CACNA1A: variants seen among roughly 807,000 people sequenced by gnomAD.
CACNA1A encodes the protein voltage-dependent P/Q-type calcium channel subunit alpha-1A.
In CACNA1A, 57 loss-of-function variants were observed where a neutral mutation model predicts 262.4. That is an observed-to-expected ratio of 0.22 (90% CI 0.18 to 0.27). The LOEUF (loss-of-function observed/expected upper bound fraction) is 0.27, where lower values mean the gene tolerates loss of function less well. Among genes scored for constraint, CACNA1A ranks in the 10% least tolerant of loss-of-function variants. CACNA1A has a pLI of 1.00. For synonymous variants in CACNA1A, 1,431 were observed against 1,419.3 expected (o/e 1.01, Z -0.18); for missense variants, 2,526 against 3,562.8 (o/e 0.71, Z 7.41).
At chr19:13,293,244 A>C (rs1204486551) in intron 19 of CACNA1A, among the ~76,000 whole-genome samples, 2 of 151,894 alleles carry the variant, frequency 1.3e-5, no homozygotes, top group Non-Finnish European at 2.9e-5. Context: ...ATGGCCAGGC[A>C]TGGTGTCTCA....
rs2057270063 is a variant in CACNA1A, at chr19:13,280,754, G to A, written c.3822+2513C>T. The stretch of plus-strand genomic sequence containing the variant: ...TCAGGAGTTTGAGACCAGTCTGGCT[G>A]ATAGTGTGAAACCCCGTCTCTACTA... On this transcript the variant is annotated intron_variant, in intron 22 of 46. Coordinates refer to ENST00000360228, the MANE Select transcript of CACNA1A (RefSeq NM_001127222.2). 2.0e-5 allele frequency among the ~76,000 whole-genome samples: 3 copies of A among 151,886 alleles called. No homozygotes were observed. The South Asian group carries it at 6.2e-4, about 32-fold the overall frequency.
At chr19:13,350,861 G>T (rs2058893929) in intron 6 of CACNA1A, among the ~76,000 whole-genome samples, 1 of 152,124 alleles carries the variant, frequency 6.6e-6, no homozygotes, top group Non-Finnish European at 1.5e-5. Context: ...AATTAGCTGG[G>T]CATGATGGTA....
At chr19:13,432,408 C>CCAT (rs1220987368) in intron 3 of CACNA1A, among the ~76,000 whole-genome samples, 1 of 114,326 alleles carries the variant, frequency 8.7e-6, no homozygotes, top group East Asian at 2.3e-4. Context: ...GAGCGAGACT[C>CCAT]CATCTCAAAA....
In CACNA1A at chr19:13,207,983, C is replaced by T; in HGVS notation, c.6851G>A (p.Arg2284His). Residue 2284 changes from arginine (R) to histidine (H), a missense_variant, in exon 47 of 47, where the codon CGC becomes CAC. By Grantham distance (29) the Arg-to-His change is conservative. Around this residue, in one of 17 missense-constraint regions of CACNA1A, gnomAD observed 929 missense variants for 868.1 expected, o/e 1.07. Coordinates refer to ENST00000360228, the MANE Select transcript of CACNA1A (RefSeq NM_001127222.2). This position sits in a 1 kb window ranked among gnomAD's most constrained non-coding sequence, Gnocchi z 5.7. ...GGTGGAGGGGGTCTGGGGGAGCTGG[C>T]GGCGGCCCCGCCGCGGAGTGCTGGT... is the stretch of plus-strand genomic sequence containing the variant. ...SGTSTPRRGR[R>H]QLPQTPSTPR... 2 of 1,328,140 alleles carry T rather than the reference C, an allele frequency of 1.5e-6. No homozygotes were observed. Among genetic ancestry groups the T allele is most frequent in the Non-Finnish European group, 1.9e-6 (2 of 1,043,546 alleles). 82.3% of individuals were successfully genotyped at this position (1,328,140 alleles called of 1,614,324 possible).
rs185912234 is a variant in CACNA1A, at chr19:13,290,151, G to A, written c.3090-3185C>T. Among the ~76,000 whole-genome samples, 74 of 151,146 alleles carry A rather than the reference G, an allele frequency of 4.9e-4. 1 individual carries two copies. In the East Asian group the frequency reaches 0.013, roughly 27 times the overall value. On this transcript the variant is annotated intron_variant, in intron 19 of 46. Coordinates refer to ENST00000360228, the MANE Select transcript of CACNA1A (RefSeq NM_001127222.2). Reference sequence around the variant, plus strand: ...AGACAGGATTTTGCCATGTTGGCCAGGCTAAAACTCCTGGCTTCAAGAGAT... The same window carrying A: ...AGACAGGATTTTGCCATGTTGGCCAAGCTAAAACTCCTGGCTTCAAGAGAT...
chr19:13,355,822 G>A (rs1036129860), intron 6 of CACNA1A, among the ~76,000 whole-genome samples: 1 of 152,150 alleles, frequency 6.6e-6, no homozygotes, highest in Non-Finnish European at 1.5e-5. Context: ...GGGCAGAGGT[G>A]GGGGATGCTG....
intron 15 of CACNA1A, among the ~76,000 whole-genome samples, chr19:13,306,045 G>A (rs945939794): frequency 1.4e-5 from 2 of 141,062 alleles, no homozygotes; most frequent in African/African-American, 5.4e-5. Flanking sequence ...GGGCAACAGA[G>A]CGAGACTCCA....
intron 6 of CACNA1A, among the ~76,000 whole-genome samples, chr19:13,359,004 G>A (rs2145242233): frequency 6.6e-6 from 1 of 152,318 alleles, no homozygotes; most frequent in South Asian, 2.1e-4. Flanking sequence ...CCACATTTGT[G>A]TTAACAGCCA....
chr19:13,492,423 C>T (rs989063159), intron 1 of CACNA1A, among the ~76,000 whole-genome samples: 2 of 152,274 alleles, frequency 1.3e-5, no homozygotes, highest in South Asian at 4.1e-4. Context: ...GATTGGGCCA[C>T]GTCGTCAGGG....
At chr19:13,244,909 C>CA in intron 31 of CACNA1A, 1 of 501,628 alleles carries the variant, frequency 2.0e-6, no homozygotes, top group Non-Finnish European at 3.6e-6. Flanking sequence ...TACTCATCTG[C>CA]ATTATTAATT....
intron 3 of CACNA1A, among the ~76,000 whole-genome samples, chr19:13,424,484 G>A (rs1306247296): frequency 6.6e-6 from 1 of 151,990 alleles, no homozygotes; most frequent in African/African-American, 2.4e-5. Flanking sequence ...TTATGTTTTA[G>A]AGGCAGGGTC....
At chr19:13,426,344 G>C (rs574712991) in intron 3 of CACNA1A, among the ~76,000 whole-genome samples, 2 of 152,178 alleles carry the variant, frequency 1.3e-5, no homozygotes, top group East Asian at 3.9e-4. Context: ...TCTCAAGTGG[G>C]GGCGTTTCTA....
chr19:13,255,908 ATTCC>A (rs1316353222), intron 28 of CACNA1A, among the ~76,000 whole-genome samples: 161 of 83,956 alleles, frequency 1.9e-3, no homozygotes, highest in African/African-American at 7.7e-3. Flanking sequence ...TTTCTTCTTC[ATTCC>A]TTCTTCCCTA....
intron 24 of CACNA1A, among the ~76,000 whole-genome samples, chr19:13,269,155 C>A (rs1190616182): frequency 6.6e-6 from 1 of 151,576 alleles, no homozygotes; most frequent in Non-Finnish European, 1.5e-5. Context: ...AGACACCACA[C>A]CCAGCTTCTT....
At chr19:13,498,932 A>G (rs1224557957) in intron 1 of CACNA1A, among the ~76,000 whole-genome samples, 1 of 152,126 alleles carries the variant, frequency 6.6e-6, no homozygotes, top group African/African-American at 2.4e-5. Context: ...CTACTCAGAT[A>G]AGAACTGAGG....
At chr19:13,250,507 C>T (rs546019968) in intron 30 of CACNA1A, among the ~76,000 whole-genome samples, 2 of 152,178 alleles carry the variant, frequency 1.3e-5, no homozygotes, top group South Asian at 2.1e-4. Flanking sequence ...AATGATTCTC[C>T]TGCCTCAGCC....
chr19:13,433,460 C>CAAAAA lies in CACNA1A; in HGVS notation c.539+19411_539+19415dup, dbSNP rs533297364. Among the ~76,000 whole-genome samples the CAAAAA allele has an allele frequency of 5.4e-3, 413 of 76,176 alleles. 24 individuals are homozygous for CAAAAA. Among genetic ancestry groups the CAAAAA allele is most frequent in the African/African-American group, 0.017 (302 of 17,616 alleles). The allele number at this position is 76,176 out of a possible 152,430, so 50.0% of individuals were successfully genotyped here. A position where few individuals can be genotyped will look rare whatever the true frequency, so the allele number is the denominator to read the frequency against. ...TCGGCAACAAAGCAAGACGCTGTCT[C>CAAAAA]AAAAAAAAAAAAAAAAAAAAAAAGT... On this transcript the variant is annotated intron_variant, in intron 3 of 46. Coordinates refer to ENST00000360228, the MANE Select transcript of CACNA1A (RefSeq NM_001127222.2).
At position 13,207,531 on chromosome 19, in the gene CACNA1A, C is replaced by T. The variant is rs1295776483; in HGVS notation, c.7303G>A (p.Asp2435Asn). ...GCGTGTCGTACGGGGGGTGGCGCGT[C>T]GTAGGCCCCGGCCATGGCCTCCTCG... The part of the protein sequence containing the change: ...GGEEAMAGAY[D>N]APPPVRHASS... The change falls in exon 47 of 47, where the codon GAC becomes AAC. Residue 2435 changes from aspartate to asparagine, a missense_variant. This residue lies in a region of CACNA1A where 929 missense variants were observed against 868.1 expected (regional missense o/e 1.07). Transcript: ENST00000360228. This position sits in a 1 kb window ranked among gnomAD's most constrained non-coding sequence, Gnocchi z 5.7. The T allele has an allele frequency of 4.2e-6, 6 of 1,441,110 alleles. No homozygotes were observed. Among genetic ancestry groups the T allele is most frequent in the East Asian group, 6.2e-5 (2 of 32,130 alleles). The allele number at this position is 1,441,110 out of a possible 1,614,324, so 89.3% of individuals were successfully genotyped here. A position where few individuals can be genotyped will look rare whatever the true frequency, so the allele number is the denominator to read the frequency against.
chr19:13,459,801 CCGGCT>C (rs1352426139), intron 1 of CACNA1A, among the ~76,000 whole-genome samples: 1 of 152,164 alleles, frequency 6.6e-6, no homozygotes, highest in Non-Finnish European at 1.5e-5. Flanking sequence ...TTCCTTTGGA[CCGGCT>C]CTGGCACTGA....
Sources: allele counts gnomAD v4.1 joint callset (sites outside exome capture counted in the v4.1 genomes callset), GRCh38; gene constraint gnomAD v4.1.1; regional missense constraint gnomAD v4.1.1; non-coding constraint Gnocchi (gnomAD v3.1); transcripts MANE v1.5; gene names NCBI Gene and HGNC (gene_info 2026-07-23, HGNC 2026-07-21).